Variants in CEP170B observed in about 807,000 individuals in gnomAD.
CEP170B encodes centrosomal protein of 170 kDa protein B.
CEP170B carries 55 observed loss-of-function variants against 120.6 expected under a neutral mutation model. The ratio of observed to expected loss-of-function variants is 0.46; its 90% confidence interval spans 0.37 to 0.57. The LOEUF (loss-of-function observed/expected upper bound fraction) is 0.57. Among genes scored for constraint, CEP170B ranks in the 20% least tolerant of loss-of-function variants. The probability of loss-of-function intolerance (pLI) is 0.00; values close to 1 mark genes in which losing one functional copy is unlikely to be tolerated. For missense variants in CEP170B, 2,212 were observed against 2,253.3 expected (o/e 0.98, Z 0.37); for synonymous variants, 1,033 against 954.5 (o/e 1.08, Z -1.52).
At chr14:104,866,179 G>A (rs1182201210) in intron 1 of CEP170B, among the ~76,000 whole-genome samples, 1 of 152,194 alleles carries the variant, frequency 6.6e-6, no homozygotes, top group South Asian at 2.1e-4. Context: ...GGAGCGTCGC[G>A]GGCTCCCAGG....
chr14:104,886,776 T>C lies in CEP170B; in HGVS notation c.2537T>C (p.Ile846Thr), dbSNP rs762263677. The C allele has an allele frequency of 1.2e-6, 2 of 1,611,598 alleles. No homozygotes were observed. The highest frequency in any genetic ancestry group is 1.7e-6 in the Non-Finnish European group (2 of 1,179,772). Residue 846 changes from isoleucine (I) to threonine (T), a missense_variant, in exon 12 of 19, where the codon ATC becomes ACC. Around this residue, in one of 2 missense-constraint regions of CEP170B, gnomAD observed 2,166 missense variants for 2,166.7 expected, o/e 1.00. Coordinates refer to ENST00000414716, the MANE Select transcript of CEP170B (RefSeq NM_001112726.3). ...VYVSANGRMVIQLRPGRSPEP... is the reference protein window; with the variant it reads ...VYVSANGRMVTQLRPGRSPEP... ...GTCAGTGCCAATGGGAGAATGGTCA[T>C]CCAGCTACGGCCTGGACGGTCCCCA...
At position 104,883,522 on chromosome 14, in the gene CEP170B, T is replaced by C; in HGVS notation, c.1051+14T>C. ...GCACCCTGAAGGGTGAGTGCCCAGCTGGCGGCCGTGCCAGTCCCGGGACAG... is the reference window on the plus strand; with the variant it reads ...GCACCCTGAAGGGTGAGTGCCCAGCCGGCGGCCGTGCCAGTCCCGGGACAG... On this transcript the variant is annotated intron_variant, in intron 8 of 18. Transcript: ENST00000414716. 3 of 1,523,008 alleles carry C rather than the reference T, an allele frequency of 2.0e-6. No individual in the cohort carries two copies. The East Asian group carries it at 7.4e-5, about 38-fold the overall frequency. The allele number at this position is 1,523,008 out of a possible 1,614,324, so 94.3% of individuals were successfully genotyped here.
In CEP170B at chr14:104,885,480, A is replaced by T; in HGVS notation, c.1882A>T (p.Met628Leu). 1 of 1,564,136 alleles carries T rather than the reference A, an allele frequency of 6.4e-7. No homozygotes were observed. Among genetic ancestry groups the T allele is most frequent in the Non-Finnish European group, 8.7e-7 (1 of 1,155,982 alleles). Residue 628 changes from methionine (M) to leucine (L), a missense_variant, in exon 10 of 19, where the codon ATG becomes TTG. Met to Leu is a conservative substitution (Grantham distance 15). This residue lies in a region of CEP170B where 2,166 missense variants were observed against 2,166.7 expected (regional missense o/e 1.00). Transcript: ENST00000414716. ...TGATGACGGGGGCGTGGCCCAGCGG[A>T]TGGCGCTACTGCAGGAGTTTGCCTC... The part of the protein sequence containing the change: ...ESDDGGVAQR[M>L]ALLQEFASRP...
At chr14:104,869,792 C>T (rs2140620444) in intron 2 of CEP170B, among the ~76,000 whole-genome samples, 1 of 152,342 alleles carries the variant, frequency 6.6e-6, no homozygotes, top group African/African-American at 2.4e-5. Context: ...CCTCTCCAGA[C>T]ACCAAATTGG....
chr14:104,864,778 C>G (rs1037750019), upstream of CEP170B, among the ~76,000 whole-genome samples: 1 of 152,248 alleles, frequency 6.6e-6, no homozygotes, highest in Admixed American at 6.5e-5. The surrounding 1 kb of genome is among the most constrained non-coding windows in gnomAD (Gnocchi z 5.9). Flanking sequence ...CTCACCCTGA[C>G]TCCTTCACCG....
intron 2 of CEP170B, 65 bp from the exon 3 acceptor site, chr14:104,876,191 C>A: frequency 6.9e-7 from 1 of 1,455,248 alleles, no homozygotes; most frequent in Non-Finnish European, 9.4e-7. Flanking sequence ...AGCAGGGGTG[C>A]CTCTGCCTCT....
At chr14:104,871,001 C>A (rs1244315945) in intron 2 of CEP170B, among the ~76,000 whole-genome samples, 1 of 152,026 alleles carries the variant, frequency 6.6e-6, no homozygotes, top group South Asian at 2.1e-4. Flanking sequence ...GCTTCTCACC[C>A]CCACCCTACA....
chr14:104,886,818 C>T lies in CEP170B; in HGVS notation c.2579C>T (p.Ala860Val). The T allele has an allele frequency of 1.2e-6, 2 of 1,611,252 alleles. No homozygotes were observed. Among genetic ancestry groups the T allele is most frequent in the Non-Finnish European group, 8.5e-7 (1 of 1,179,806 alleles). Residue 860 changes from alanine (A) to valine (V), a missense_variant, in exon 12 of 19, where the codon GCC becomes GTC. By Grantham distance (64) the Ala-to-Val change is moderately conservative. Around this residue, in one of 2 missense-constraint regions of CEP170B, gnomAD observed 2,166 missense variants for 2,166.7 expected, o/e 1.00. Transcript: ENST00000414716. ...PGRSPEPDGP[A>V]PAFLRQESFT... ...CGGTCCCCAGAACCCGACGGCCCTG[C>T]CCCAGCCTTTCTCCGGCAAGAGAGC...
At chr14:104,875,775 G>T (rs560151299) in intron 2 of CEP170B, among the ~76,000 whole-genome samples, 1 of 152,226 alleles carries the variant, frequency 6.6e-6, no homozygotes, top group African/African-American at 2.4e-5. Context: ...CTCCGGGGGG[G>T]TGGTCCTGGG....
intron 6 of CEP170B, among the ~76,000 whole-genome samples, chr14:104,882,521 C>A (rs1896210713): frequency 6.6e-6 from 1 of 151,904 alleles, no homozygotes; most frequent in African/African-American, 2.4e-5. Flanking sequence ...GAGGTGGGGC[C>A]AGGCAGGGAG....
intron 2 of CEP170B, among the ~76,000 whole-genome samples, chr14:104,869,548 ATGT>A (rs1461658433): frequency 6.6e-6 from 1 of 152,188 alleles, no homozygotes; most frequent in Non-Finnish European, 1.5e-5. Flanking sequence ...ATATTGCTGC[ATGT>A]GTCCTGCTGT....
chr14:104,882,901 T>G, intron 7 of CEP170B, 69 bp downstream of exon 7: 2 of 1,526,284 alleles, frequency 1.3e-6, no homozygotes, highest in South Asian at 1.2e-5. Context: ...GGGGATGGCC[T>G]GGGCTTGAGG....
At chr14:104,894,083 CG>C in intron 16 of CEP170B, 1 of 651,952 alleles carries the variant, frequency 1.5e-6, no homozygotes, top group Non-Finnish European at 2.7e-6. Context: ...GCCCTCATCC[CG>C]GGCCCAGCCC....
Position 104,887,669 on chromosome 14 carries a change from C to A in CEP170B, c.3430C>A (p.Arg1144=). Residue 1144 remains arginine (R), a synonymous_variant, in exon 12 of 19, where the codon CGG becomes AGG. Coordinates refer to ENST00000414716, the MANE Select transcript of CEP170B (RefSeq NM_001112726.3). The part of the protein sequence containing the change: ...ASDTEAADGE[R]GSLGNPEPVG... ...AGACACTGAGGCTGCGGATGGTGAG[C>A]GGGGGTCCCTGGGCAACCCTGAGCC... The A allele has an allele frequency of 1.3e-6, 2 of 1,571,220 alleles. No homozygotes were observed. The highest frequency in any genetic ancestry group is 1.8e-5 in the Admixed American group (1 of 54,518).
Position 104,883,116 on chromosome 14 carries a change from G to A in CEP170B, c.659G>A (p.Arg220Gln), listed in dbSNP as rs1019128345. 4.4e-6 allele frequency: 7 copies of A among 1,592,842 alleles called. No individual in the cohort carries two copies. The highest frequency in any genetic ancestry group is 2.3e-5 in the East Asian group (1 of 44,058). The change falls in exon 8 of 19, where the codon CGG becomes CAG. Residue 220 changes from arginine to glutamine, a missense_variant. This residue lies in a region of CEP170B where 2,166 missense variants were observed against 2,166.7 expected (regional missense o/e 1.00). Transcript: ENST00000414716. The part of the protein sequence containing the change: ...APAEPQGCSF[R>Q]REPSYFEIPT... ...GCTGAGCCTCAGGGCTGCTCGTTCC[G>A]GCGGGAGCCCAGCTACTTCGAGATC...
chr14:104,889,727 G>A lies in CEP170B; in HGVS notation c.3847G>A (p.Val1283Met), dbSNP rs761333323. ...EEEPDPYGFIVQTAEIAEIAR... is the reference protein window; with the variant it reads ...EEEPDPYGFIMQTAEIAEIAR... ...GGAGCCTGACCCTTATGGTTTCATCGTGCAGACGGCAGAGATTGCGGAGAT... is the reference window on the plus strand; with the variant it reads ...GGAGCCTGACCCTTATGGTTTCATCATGCAGACGGCAGAGATTGCGGAGAT... Residue 1283 changes from valine (V) to methionine (M), a missense_variant, in exon 13 of 19, where the codon GTG becomes ATG. Transcript: ENST00000414716. 39 of 1,608,080 alleles carry A rather than the reference G, an allele frequency of 2.4e-5. No individual in the cohort carries two copies. Among genetic ancestry groups the A allele is most frequent in the South Asian group, 4.4e-5 (4 of 90,934 alleles).
At position 104,887,199 on chromosome 14, in the gene CEP170B, C is replaced by T; in HGVS notation, c.2960C>T (p.Pro987Leu). Residue 987 changes from proline (P) to leucine (L), a missense_variant, in exon 12 of 19, where the codon CCA becomes CTA. Pro to Leu is a moderately conservative substitution (Grantham distance 98). Around this residue, in one of 2 missense-constraint regions of CEP170B, gnomAD observed 2,166 missense variants for 2,166.7 expected, o/e 1.00. Coordinates refer to ENST00000414716, the MANE Select transcript of CEP170B (RefSeq NM_001112726.3). ...CTGCGGGCACAGAAGGAGATGTCGC[C>T]ATCCCCGCCAGCTGCACAGGACCCG... The part of the protein sequence containing the change: ...QPLRAQKEMS[P>L]SPPAAQDPGG... 1 of 1,606,150 alleles carries T rather than the reference C, an allele frequency of 6.2e-7. No homozygotes were observed. Among genetic ancestry groups the T allele is most frequent in the Middle Eastern group, 1.6e-4 (1 of 6,062 alleles).
At chr14:104,889,420 A>C in intron 12 of CEP170B, 200 bp from the exon 13 acceptor site, 1 of 1,381,966 alleles carries the variant, frequency 7.2e-7, no homozygotes, top group Non-Finnish European at 9.7e-7. Flanking sequence ...GCCCTGCAGC[A>C]CTGAGCCCTC....
intron 6 of CEP170B, among the ~76,000 whole-genome samples, chr14:104,881,374 C>A (rs1365726125): frequency 6.6e-6 from 1 of 152,162 alleles, no homozygotes; most frequent in Non-Finnish European, 1.5e-5. Context: ...TCGGCTCCCA[C>A]CTCGGTCCAG....
Sources: gnomAD v4.1 joint callset for allele counts (sites outside exome capture counted in the v4.1 genomes callset) on GRCh38, gnomAD v4.1.1 for gene constraint, gnomAD v4.1.1 regional missense constraint, Gnocchi (gnomAD v3.1) non-coding constraint, MANE v1.5 for transcripts, NCBI Gene and HGNC (gene_info 2026-07-23, HGNC 2026-07-21) for gene names.